Variants in BCLAF3 observed in about 807,000 individuals in gnomAD.
The protein encoded by BCLAF3 is transient octamer binding factor 1.
BCLAF3 carries 24 observed loss-of-function variants against 51.2 expected under a neutral mutation model. The ratio of observed to expected loss-of-function variants is 0.47; its 90% confidence interval spans 0.34 to 0.66. The LOEUF (loss-of-function observed/expected upper bound fraction) is 0.66, where lower values mean the gene tolerates loss of function less well. Ranked by LOEUF, BCLAF3 falls within the 30% of genes least tolerant of loss-of-function variation. The pLI, the probability that BCLAF3 is intolerant of heterozygous loss-of-function variation, is 0.01. For missense variants in BCLAF3, 465 were observed against 525.1 expected (o/e 0.89, Z 1.12); for synonymous variants, 152 against 176.6 (o/e 0.86, Z 1.10).
At chrX:19,936,137 A>C (rs773675807) in intron 9 of BCLAF3, among the ~76,000 whole-genome samples, 1 of 111,952 alleles carries the variant, frequency 8.9e-6, no homozygotes, top group African/African-American at 3.2e-5. Flanking sequence ...TACGCCTGTA[A>C]CAAGTATAAA....
At chrX:19,959,316 G>C (rs1428395802) in intron 4 of BCLAF3, among the ~76,000 whole-genome samples, 1 of 111,483 alleles carries the variant, frequency 9.0e-6, no homozygotes, top group African/African-American at 3.3e-5. Flanking sequence ...ACCAAAGGAG[G>C]AGGAACCTAA....
At chrX:19,938,885 G>A (rs758654327) in intron 8 of BCLAF3, among the ~76,000 whole-genome samples, 58 of 112,368 alleles carry the variant, frequency 5.2e-4, no homozygotes, top group African/African-American at 1.7e-3. Flanking sequence ...TCCCTGCTAT[G>A]TGCCCATGTA....
intron 8 of BCLAF3, among the ~76,000 whole-genome samples, chrX:19,938,314 C>T (rs1017398941): frequency 5.4e-5 from 6 of 111,380 alleles, no homozygotes; most frequent in Admixed American, 9.6e-5. Context: ...CACTCCTCAT[C>T]GTGACCCCCC....
chrX:19,935,596 T>C (rs1012194069), intron 10 of BCLAF3: 3 of 378,887 alleles, frequency 7.9e-6, no homozygotes, highest in African/African-American at 7.9e-5. Context: ...AAAAGGAATC[T>C]ACTGGTAAAA....
chrX:19,961,512 C>CA (rs1303052527), intron 4 of BCLAF3, among the ~76,000 whole-genome samples: 2 of 110,883 alleles, frequency 1.8e-5, no homozygotes, highest in Admixed American at 9.6e-5. Flanking sequence ...TTAGCATTTC[C>CA]AAAAAAAAGC....
At chrX:19,941,094 C>A (rs1353304010) in intron 8 of BCLAF3, among the ~76,000 whole-genome samples, 1 of 110,067 alleles carries the variant, frequency 9.1e-6, no homozygotes, top group Non-Finnish European at 1.9e-5. Flanking sequence ...TATTCATGTC[C>A]TTTGCCCACT....
At chrX:19,950,704 TA>T in intron 8 of BCLAF3, 48 bp downstream of exon 8, 1 of 950,233 alleles carries the variant, frequency 1.1e-6, no homozygotes, top group Non-Finnish European at 1.5e-6. Context: ...AAAAATATGG[TA>T]AAACCCAAAG....
At chrX:19,953,304 T>C (rs941198405) in intron 6 of BCLAF3, among the ~76,000 whole-genome samples, 2 of 111,495 alleles carry the variant, frequency 1.8e-5, no homozygotes, top group Non-Finnish European at 3.8e-5. Flanking sequence ...TCTGGTGATA[T>C]ACTGCATTCT....
intron 1 of BCLAF3, among the ~76,000 whole-genome samples, chrX:19,989,261 C>T (rs1382983399): frequency 3.6e-5 from 4 of 111,417 alleles, no homozygotes; most frequent in Non-Finnish European, 5.7e-5. Flanking sequence ...TTTGCGAGGC[C>T]GAGGCGGGCA....
intron 11 of BCLAF3, among the ~76,000 whole-genome samples, chrX:19,918,272 G>A (rs1457984348): frequency 9.0e-6 from 1 of 110,844 alleles, no homozygotes; most frequent in African/African-American, 3.3e-5. Context: ...TTAAATAGAG[G>A]TAGACTTCAT....
intron 8 of BCLAF3, among the ~76,000 whole-genome samples, chrX:19,941,047 T>C (rs1437197576): frequency 5.4e-5 from 6 of 110,795 alleles, no homozygotes; most frequent in African/African-American, 2.0e-4. Context: ...TTTCATGTGT[T>C]TTTTGGCTGC....
chrX:19,927,339 C>A (rs2070392420), intron 11 of BCLAF3, among the ~76,000 whole-genome samples: 2 of 111,719 alleles, frequency 1.8e-5, no homozygotes, highest in Admixed American at 1.9e-4. Flanking sequence ...GTATGTGTGA[C>A]ATAAGATATT....
chrX:19,939,503 C>T (rs912877779), intron 8 of BCLAF3, among the ~76,000 whole-genome samples: 6 of 111,780 alleles, frequency 5.4e-5, no homozygotes, highest in African/African-American at 1.9e-4. Flanking sequence ...CCAATAAGCA[C>T]ATAGAAAGAT....
intron 11 of BCLAF3, 65 bp downstream of exon 11, chrX:19,929,720 G>T: frequency 9.7e-7 from 1 of 1,034,985 alleles, no homozygotes; most frequent in South Asian, 2.4e-5. Context: ...TTTATCTAAT[G>T]AACATAGATA....
chrX:19,930,776 T>G (rs1192992378), intron 10 of BCLAF3: 2 of 112,649 alleles, frequency 1.8e-5, no homozygotes, highest in African/African-American at 6.5e-5. Context: ...GAGACTGAGG[T>G]GGGAGGACTG....
rs535059458 is a variant in BCLAF3, at chrX:19,937,529, A to T, written c.1749T>A (p.Asp583Glu). Residue 583 changes from aspartate to glutamate, a missense_variant, in exon 9 of 12, where the codon GAT (aspartate) becomes GAA (glutamate). Transcript: ENST00000379682. ...IFHIASAAER[D>E]DQNSSFSKVK... ...CCTTTGAAAAACTGGAATTCTGATC[A>T]TCCCTAATAAGGAAACAGAGAAAAT... 1 of 999,211 alleles carries T rather than the reference A, an allele frequency of 1.0e-6. No individual in the cohort carries two copies. The allele number at this position is 999,211 out of a possible 1,213,427, so 82.3% of individuals were successfully genotyped here. A position where few individuals can be genotyped will look rare whatever the true frequency, so the allele number is the denominator to read the frequency against.
At chrX:19,956,215 C>T (rs751349887) in intron 4 of BCLAF3, among the ~76,000 whole-genome samples, 14 of 111,834 alleles carry the variant, frequency 1.3e-4, no homozygotes, top group South Asian at 3.7e-4. Context: ...TATATAACCC[C>T]GGCTATCTTA....
At chrX:19,922,713 C>T (rs959335883) in intron 11 of BCLAF3, among the ~76,000 whole-genome samples, 1 of 111,186 alleles carries the variant, frequency 9.0e-6, no homozygotes, top group Non-Finnish European at 1.9e-5. Context: ...GCCTGGCCAA[C>T]ATGGTGAAAC....
At chrX:19,918,874 A>G (rs977464882) in intron 11 of BCLAF3, among the ~76,000 whole-genome samples, 9 of 109,958 alleles carry the variant, frequency 8.2e-5, no homozygotes, top group South Asian at 7.8e-4. Flanking sequence ...GCTGAACTAG[A>G]TATATGAGCA....
Sources: allele counts gnomAD v4.1 joint callset (sites outside exome capture counted in the v4.1 genomes callset), GRCh38; gene constraint gnomAD v4.1.1; transcripts MANE v1.5; gene names NCBI Gene and HGNC (gene_info 2026-07-23, HGNC 2026-07-21).